The following TBX5 variants were observed in gnomAD, a reference collection of about 807,000 sequenced individuals.
TBX5 encodes T-box transcription factor TBX5.
In TBX5, 8 loss-of-function variants were observed where a neutral mutation model predicts 51.1. That is an observed-to-expected ratio of 0.16 (90% CI 0.09 to 0.28). TBX5 has a LOEUF of 0.28. Ranked by LOEUF, TBX5 falls within the 10% of genes least tolerant of loss-of-function variation. TBX5 has a pLI of 1.00. For missense variants in TBX5, 589 were observed against 671.7 expected (o/e 0.88, Z 1.36); for synonymous variants, 302 against 266.4 (o/e 1.13, Z -1.30).
chr12:114,390,385 C>A (rs540454207), intron 6 of TBX5, among the ~76,000 whole-genome samples: 6 of 152,226 alleles, frequency 3.9e-5, no homozygotes, highest in Non-Finnish European at 5.9e-5. Context: ...AAACTGACTT[C>A]TATTCACCAT....
At chr12:114,407,566 C>T (rs553115891), upstream of TBX5, among the ~76,000 whole-genome samples, 9 of 152,200 alleles carry the variant, frequency 5.9e-5, no homozygotes, top group Non-Finnish European at 1.3e-4. Flanking sequence ...CAGGTAATAG[C>T]CCAGCCAGAT....
At chr12:114,365,788 C>A (rs1869488338) in intron 8 of TBX5, among the ~76,000 whole-genome samples, 1 of 148,244 alleles carries the variant, frequency 6.7e-6, no homozygotes, top group African/African-American at 2.5e-5. Context: ...CATGACTACA[C>A]CACTGCACTC....
At chr12:114,375,968 C>T (rs1016289188) in intron 7 of TBX5, among the ~76,000 whole-genome samples, 2 of 152,038 alleles carry the variant, frequency 1.3e-5, no homozygotes, top group Admixed American at 6.6e-5. Context: ...TTGCTTGAAC[C>T]CAGGAAGTGG....
intron 2 of TBX5, among the ~76,000 whole-genome samples, chr12:114,402,673 T>A (rs1168554640): frequency 6.6e-6 from 1 of 152,188 alleles, no homozygotes; most frequent in Non-Finnish European, 1.5e-5. Flanking sequence ...GGCTTTCAGC[T>A]AAAACTAAAT....
chr12:114,370,657 CTCTCTCTA>C (rs983434055), intron 7 of TBX5, among the ~76,000 whole-genome samples: 3 of 149,938 alleles, frequency 2.0e-5, no homozygotes, highest in East Asian at 1.9e-4. Flanking sequence ...CTCTCTCTCT[CTCTCTCTA>C]TCTATCTATC....
At chr12:114,362,342 G>T (rs1869288077) in intron 8 of TBX5, among the ~76,000 whole-genome samples, 1 of 152,102 alleles carries the variant, frequency 6.6e-6, no homozygotes, top group Admixed American at 6.5e-5. Flanking sequence ...CATTAAAATG[G>T]CTTATACAGG....
At chr12:114,392,989 C>A (rs1430065349) in intron 6 of TBX5, among the ~76,000 whole-genome samples, 1 of 152,166 alleles carries the variant, frequency 6.6e-6, no homozygotes, top group Non-Finnish European at 1.5e-5. Flanking sequence ...ACCTGGGTTC[C>A]CAGACAGGCT....
At position 114,358,772 on chromosome 12, in the gene TBX5, G is replaced by GTTTT. The variant is rs1270630074; in HGVS notation, c.983-2670_983-2667dup. Among the ~76,000 whole-genome samples, 1,078 of 128,048 alleles carry GTTTT rather than the reference G, an allele frequency of 8.4e-3. 9 individuals carry two copies. Among genetic ancestry groups the GTTTT allele is most frequent in the African/African-American group, 0.029 (968 of 33,274 alleles). 84.0% of individuals were successfully genotyped at this position (128,048 alleles called of 152,430 possible). On this transcript the variant is annotated intron_variant, in intron 8 of 8. Transcript: ENST00000405440. ...ATTTTTCACCTTTTAACTGTGCGGG[G>GTTTT]TTTTTTTTGTTTGTTTGTTTGTTTG...
intron 6 of TBX5, among the ~76,000 whole-genome samples, chr12:114,392,178 TAA>T (rs57938892): frequency 0.45 from 61,399 of 135,926 alleles, 14,416 homozygotes; most frequent in Middle Eastern, 0.55. Flanking sequence ...TGGATTGCGC[TAA>T]AAAAAAAAAA....
upstream of TBX5, chr12:114,407,924 G>A: frequency 3.0e-6 from 3 of 985,454 alleles, no homozygotes; most frequent in Non-Finnish European, 3.6e-6. Context: ...GACCTCTTTA[G>A]GCCAGGTCTT....
chr12:114,400,816 G>A (rs1047648572), intron 3 of TBX5, among the ~76,000 whole-genome samples: 6 of 152,234 alleles, frequency 3.9e-5, no homozygotes, highest in Admixed American at 3.9e-4. Flanking sequence ...GGCCGAGCGG[G>A]GAGCAGACTT....
chr12:114,375,907 T>C (rs1317852493), intron 7 of TBX5, among the ~76,000 whole-genome samples: 1 of 151,970 alleles, frequency 6.6e-6, no homozygotes, highest in African/African-American at 2.4e-5. Context: ...TAACAAGGCA[T>C]GGTGGCACGT....
At chr12:114,393,597 A>G (rs1248549828) in intron 6 of TBX5, among the ~76,000 whole-genome samples, 2 of 152,160 alleles carry the variant, frequency 1.3e-5, no homozygotes, top group Non-Finnish European at 2.9e-5. Context: ...CTGAGGAAAA[A>G]GAGAAGATCC....
At chr12:114,378,285 T>A (rs192953696) in intron 7 of TBX5, among the ~76,000 whole-genome samples, 1 of 152,308 alleles carries the variant, frequency 6.6e-6, no homozygotes, top group African/African-American at 2.4e-5. Context: ...TTGCTATTGC[T>A]TGTTCATATT....
chr12:114,382,102 T>C (rs2136393571), intron 7 of TBX5, among the ~76,000 whole-genome samples: 1 of 152,270 alleles, frequency 6.6e-6, no homozygotes. Flanking sequence ...CCTAAATATA[T>C]AAACAGTTGT....
chr12:114,404,579 T>A (rs1256196984), intron 1 of TBX5, among the ~76,000 whole-genome samples: 1 of 152,126 alleles, frequency 6.6e-6, no homozygotes, highest in Non-Finnish European at 1.5e-5. Context: ...AAAAGTCCTT[T>A]AAAATTAAAC....
chr12:114,396,460 C>CG (rs1871435499), intron 5 of TBX5, among the ~76,000 whole-genome samples: 2 of 152,136 alleles, frequency 1.3e-5, no homozygotes, highest in Admixed American at 1.3e-4. Context: ...TCCGGAGTCT[C>CG]GGGTGGGAAT....
At chr12:114,404,308 A>G (rs1872051639) in intron 1 of TBX5, among the ~76,000 whole-genome samples, 1 of 152,156 alleles carries the variant, frequency 6.6e-6, no homozygotes, top group Non-Finnish European at 1.5e-5. Flanking sequence ...TTTGGAAGCC[A>G]CTGGGTAGGA....
At chr12:114,358,404 C>A (rs1015961769) in intron 8 of TBX5, among the ~76,000 whole-genome samples, 1 of 152,166 alleles carries the variant, frequency 6.6e-6, no homozygotes, top group Admixed American at 6.5e-5. Flanking sequence ...AGACTAAATC[C>A]TTTGGCTTTG....
Sources: allele counts gnomAD v4.1 joint callset (sites outside exome capture counted in the v4.1 genomes callset), GRCh38; gene constraint gnomAD v4.1.1; transcripts MANE v1.5; gene names NCBI Gene and HGNC (gene_info 2026-07-23, HGNC 2026-07-21).